MYO5B: variants seen among roughly 807,000 people sequenced by gnomAD.
MYO5B encodes the protein unconventional myosin-Vb.
Under a neutral mutation model 229.3 loss-of-function variants are expected in MYO5B, and 143 were observed. That is an observed-to-expected ratio of 0.62 (90% CI 0.54 to 0.72). MYO5B has a LOEUF of 0.72. Among genes scored for constraint, MYO5B ranks in the 30% least tolerant of loss-of-function variants. The pLI, the probability that MYO5B is intolerant of heterozygous loss-of-function variation, is 0.00. For missense variants in MYO5B, 2,321 were observed against 2,331.0 expected (o/e 1.00, Z 0.09); for synonymous variants, 918 against 885.2 (o/e 1.04, Z -0.66).
At chr18:50,111,831 C>T (rs993554790) in intron 1 of MYO5B, among the ~76,000 whole-genome samples, 2 of 152,154 alleles carry the variant, frequency 1.3e-5, no homozygotes, top group Non-Finnish European at 2.9e-5. Context: ...AAGACTCTGC[C>T]TCTTATCAAC....
intron 1 of MYO5B, among the ~76,000 whole-genome samples, chr18:50,089,982 T>A (rs1246233424): frequency 2.0e-5 from 3 of 152,158 alleles, no homozygotes; most frequent in African/African-American, 7.2e-5. Context: ...CTGAGACCTA[T>A]GCAAATCAAA....
At chr18:49,927,342 A>G (rs1017608753) in intron 17 of MYO5B, among the ~76,000 whole-genome samples, 1 of 143,212 alleles carries the variant, frequency 7.0e-6, no homozygotes, top group African/African-American at 2.7e-5. Context: ...AAATACTACC[A>G]TATTTCTTCA....
intron 36 of MYO5B, 37 bp from the exon 37 acceptor site, chr18:49,837,839 C>T (rs200090894): frequency 6.2e-7 from 1 of 1,609,952 alleles, no homozygotes; most frequent in Non-Finnish European, 8.5e-7. Context: ...CTTGCATTCC[C>T]CACTAACAAT....
intron 1 of MYO5B, among the ~76,000 whole-genome samples, chr18:50,172,923 G>A (rs1422206702): frequency 2.6e-5 from 4 of 152,240 alleles, no homozygotes; most frequent in Non-Finnish European, 5.9e-5. Context: ...AGGAGTAGGT[G>A]CAAAGGCACT....
intron 4 of MYO5B, among the ~76,000 whole-genome samples, chr18:50,030,996 T>C (rs2026382669): frequency 6.8e-6 from 1 of 147,762 alleles, no homozygotes; most frequent in African/African-American, 2.5e-5. Flanking sequence ...CCAACAAGGC[T>C]GGAAAACACA....
At chr18:49,933,015 C>T (rs923779057) in intron 16 of MYO5B, among the ~76,000 whole-genome samples, 3 of 152,168 alleles carry the variant, frequency 2.0e-5, no homozygotes, top group African/African-American at 7.2e-5. Flanking sequence ...CTTTCCTCTC[C>T]CAATAGGATT....
At chr18:49,978,694 T>TACACAC (rs10527520) in intron 9 of MYO5B, among the ~76,000 whole-genome samples, 3,000 of 139,102 alleles carry the variant, frequency 0.022, 43 homozygotes, top group Middle Eastern at 0.025. Flanking sequence ...CAGCAAGTAA[T>TACACAC]ACACACACAC....
chr18:50,054,459 G>C (rs2030488771), intron 2 of MYO5B, among the ~76,000 whole-genome samples: 1 of 152,038 alleles, frequency 6.6e-6, no homozygotes, highest in African/African-American at 2.4e-5. Context: ...CCCCCCTTTA[G>C]CACTGAGCTA....
chr18:49,913,532 C>A (rs1021150019), intron 17 of MYO5B, among the ~76,000 whole-genome samples: 16 of 152,110 alleles, frequency 1.1e-4, no homozygotes, highest in Admixed American at 2.6e-4. Flanking sequence ...CAGCCCCCCA[C>A]CCACTCTCAT....
intron 1 of MYO5B, among the ~76,000 whole-genome samples, chr18:50,140,775 T>C (rs1282985729): frequency 1.3e-5 from 2 of 152,186 alleles, no homozygotes; most frequent in African/African-American, 4.8e-5. Flanking sequence ...TAACACCAAC[T>C]GCACAAGTAG....
chr18:49,942,847 C>T (rs1026143196), intron 14 of MYO5B, among the ~76,000 whole-genome samples: 6 of 152,218 alleles, frequency 3.9e-5, no homozygotes, highest in South Asian at 2.1e-4. Flanking sequence ...CCATTTGACA[C>T]GGCCATCACA....
chr18:49,971,819 A>G (rs997048937), intron 10 of MYO5B, among the ~76,000 whole-genome samples: 129 of 152,350 alleles, frequency 8.5e-4, no homozygotes, highest in African/African-American at 2.9e-3. Flanking sequence ...TCAGCACTGC[A>G]TTGAGCTACA....
chr18:50,189,425 G>A (rs2033197988), intron 1 of MYO5B, among the ~76,000 whole-genome samples: 1 of 152,176 alleles, frequency 6.6e-6, no homozygotes, highest in Non-Finnish European at 1.5e-5. Flanking sequence ...CCATTCTCAA[G>A]GTGACAAGAT....
intron 1 of MYO5B, among the ~76,000 whole-genome samples, chr18:50,149,257 G>C (rs1192991938): frequency 6.6e-6 from 1 of 151,826 alleles, no homozygotes; most frequent in African/African-American, 2.4e-5. Context: ...TGGCCATACT[G>C]CCCAAGGTAA....
intron 1 of MYO5B, among the ~76,000 whole-genome samples, chr18:50,192,353 G>A (rs890852392): frequency 8.5e-5 from 13 of 152,204 alleles, no homozygotes; most frequent in African/African-American, 2.9e-4. Flanking sequence ...GGCTCTCCCA[G>A]TACAATCCTG....
chr18:50,062,964 C>T (rs1234427796), intron 1 of MYO5B, among the ~76,000 whole-genome samples: 4 of 152,094 alleles, frequency 2.6e-5, no homozygotes, highest in Non-Finnish European at 5.9e-5. Flanking sequence ...TCTTCTGCAC[C>T]AGGGTTGTTG....
At chr18:49,961,963 T>C (rs1035899846) in intron 12 of MYO5B, among the ~76,000 whole-genome samples, 1 of 152,326 alleles carries the variant, frequency 6.6e-6, no homozygotes, top group South Asian at 2.1e-4. Context: ...AGTTCTTCTC[T>C]TGGCACCTAG....
chr18:50,071,198 T>A (rs551906831), intron 1 of MYO5B, among the ~76,000 whole-genome samples: 2 of 152,312 alleles, frequency 1.3e-5, no homozygotes, highest in South Asian at 4.1e-4. Context: ...GCTGAAGATA[T>A]CTTCCTCCCT....
rs183841004 is a variant in MYO5B at position 49,897,056 on chromosome 18, C to T, written c.2812-1882G>A. Reference sequence around the variant, plus strand: ...CTCTATGGAGAACCCTGGAGAGTTGCCCGAGTCTCTGGCTGTCTGGGGTGT... The same window carrying T: ...CTCTATGGAGAACCCTGGAGAGTTGTCCGAGTCTCTGGCTGTCTGGGGTGT... On this transcript the variant is annotated intron_variant, in intron 21 of 39. Coordinates refer to ENST00000285039, the MANE Select transcript of MYO5B (RefSeq NM_001080467.3). 3.0e-4 allele frequency among the ~76,000 whole-genome samples: 45 copies of T among 152,302 alleles called. No homozygotes were observed. In the East Asian group the frequency reaches 5.0e-3, roughly 17 times the overall value.
Sources: allele counts gnomAD v4.1 joint callset (sites outside exome capture counted in the v4.1 genomes callset), GRCh38; gene constraint gnomAD v4.1.1; transcripts MANE v1.5; gene names NCBI Gene and HGNC (gene_info 2026-07-23, HGNC 2026-07-21).